Variants in KLF15 observed in about 807,000 individuals in gnomAD.
KLF15 encodes the protein Krueppel-like factor 15.
Under a neutral mutation model 24.6 loss-of-function variants are expected in KLF15, and 4 were observed. The ratio of observed to expected loss-of-function variants is 0.16; its 90% CI spans 0.08 to 0.37. The LOEUF is 0.37. KLF15 is among the 10% of genes least tolerant of loss of function. The pLI is 1.00. For synonymous variants in KLF15, 246 were observed against 236.3 expected, an observed-to-expected ratio of 1.04 and a Z score of -0.37; for missense variants, 496 against 560.6, an observed-to-expected ratio of 0.88 and a Z score of 1.16.
the KLF15 span, among the ~76,000 whole-genome samples, chr3:126,332,050 G>C: frequency 9.2e-5 from 14 of 152,222 alleles, no homozygotes; most frequent in Admixed American, 2.6e-4. Flanking sequence ...CAGGAAGCTC[G>C]AACTGGGTGG....
the KLF15 span, among the ~76,000 whole-genome samples, chr3:126,294,914 C>A: frequency 6.6e-6 from 1 of 151,652 alleles, no homozygotes; most frequent in Non-Finnish European, 1.5e-5. Context: ...CAGATACGTA[C>A]ACATACACAC....
At chr3:126,339,835 G>C (rs1303804882), downstream of KLF15, among the ~76,000 whole-genome samples, 2 of 152,332 alleles carry the variant, frequency 1.3e-5, no homozygotes, top group Non-Finnish European at 2.9e-5. Flanking sequence ...AGACAGTGAT[G>C]GCATTGCAAG....
the KLF15 span, among the ~76,000 whole-genome samples, chr3:126,320,092 G>T: frequency 6.6e-6 from 1 of 152,150 alleles, no homozygotes; most frequent in Non-Finnish European, 1.5e-5. Flanking sequence ...CCTTCCTAGA[G>T]GGGCCAAGGA....
chr3:126,292,029 G>A, the KLF15 span, among the ~76,000 whole-genome samples: 499 of 152,320 alleles, frequency 3.3e-3, 2 homozygotes, highest in Middle Eastern at 0.024. Flanking sequence ...CACGGAAGTG[G>A]CTGAAACAGT....
At position 126,356,109 on chromosome 3, in the gene KLF15, A is replaced by C. The variant is rs2082630368; in HGVS notation, c.-26+1128T>G. ...CAGGAACAACATGTAATTGATAACA[A>C]GCCCAGCGCCGGCCAAGGGCTTGCC... On this transcript the variant is annotated intron_variant, in intron 1 of 2. Coordinates refer to ENST00000296233, the MANE Select transcript of KLF15 (RefSeq NM_014079.4). The surrounding 1 kb of genome is among the most constrained non-coding windows in gnomAD (Gnocchi z 4.4). Among the ~76,000 whole-genome samples, 1 of 152,148 alleles carries C rather than the reference A, an allele frequency of 6.6e-6. No homozygotes were observed. Among genetic ancestry groups the C allele is most frequent in the Non-Finnish European group, 1.5e-5 (1 of 68,024 alleles).
the KLF15 span, among the ~76,000 whole-genome samples, chr3:126,327,097 G>A: frequency 3.3e-5 from 5 of 152,190 alleles, no homozygotes; most frequent in East Asian, 1.9e-4. Flanking sequence ...GTGCCTTGCC[G>A]GTCCTAGGAC....
chr3:126,329,400 G>A, the KLF15 span, among the ~76,000 whole-genome samples: 4 of 152,250 alleles, frequency 2.6e-5, no homozygotes, highest in East Asian at 1.9e-4. Flanking sequence ...GTGGCAAATC[G>A]CTTGAGCCTG....
chr3:126,305,398 C>T, the KLF15 span, among the ~76,000 whole-genome samples: 1 of 152,160 alleles, frequency 6.6e-6, no homozygotes, highest in Non-Finnish European at 1.5e-5. Flanking sequence ...ACTTCCTTAG[C>T]CTGTTGACAT....
chr3:126,304,610 A>G, the KLF15 span, among the ~76,000 whole-genome samples: 4 of 152,206 alleles, frequency 2.6e-5, no homozygotes, highest in East Asian at 5.8e-4. Context: ...TCGAGGCAAT[A>G]AGTTGGCTTT....
At chr3:126,298,121 T>A in the KLF15 span, among the ~76,000 whole-genome samples, 1 of 152,110 alleles carries the variant, frequency 6.6e-6, no homozygotes, top group South Asian at 2.1e-4. Context: ...ATTATTTTTT[T>A]ATTTTTTAAT....
At chr3:126,303,408 G>A in the KLF15 span, among the ~76,000 whole-genome samples, 1 of 151,848 alleles carries the variant, frequency 6.6e-6, no homozygotes, top group Non-Finnish European at 1.5e-5. Flanking sequence ...TAGAATTCTA[G>A]GTTAACAATC....
chr3:126,336,012 C>T, the KLF15 span, among the ~76,000 whole-genome samples: 2 of 140,830 alleles, frequency 1.4e-5, no homozygotes, highest in Non-Finnish European at 3.1e-5. Flanking sequence ...AGGTAATTTA[C>T]AGATTCAATG....
chr3:126,341,431 A>C (rs1050195574), downstream of KLF15, among the ~76,000 whole-genome samples: 1 of 152,174 alleles, frequency 6.6e-6, no homozygotes, highest in Non-Finnish European at 1.5e-5. Flanking sequence ...CGTACCTCTT[A>C]TCTAGGGCTG....
the KLF15 span, among the ~76,000 whole-genome samples, chr3:126,299,639 C>T: frequency 6.7e-6 from 1 of 150,212 alleles, no homozygotes; most frequent in African/African-American, 2.5e-5. Flanking sequence ...GTCCCAGCTA[C>T]TCAGGAGGCT....
the KLF15 span, among the ~76,000 whole-genome samples, chr3:126,334,457 A>G: frequency 1.5e-5 from 2 of 130,484 alleles, no homozygotes; most frequent in African/African-American, 2.9e-5. Flanking sequence ...CTAAATGCCC[A>G]CAAGAGAAAG....
chr3:126,299,947 C>G, the KLF15 span, among the ~76,000 whole-genome samples: 1 of 151,976 alleles, frequency 6.6e-6, no homozygotes, highest in Non-Finnish European at 1.5e-5. Context: ...TGTTTGAGCC[C>G]CCGGTCTTTG....
downstream of KLF15, among the ~76,000 whole-genome samples, chr3:126,340,351 C>T (rs2082470805): frequency 6.6e-6 from 1 of 152,208 alleles, no homozygotes; most frequent in Non-Finnish European, 1.5e-5. Flanking sequence ...AGGGCAGAAA[C>T]ATGGCCCCTT....
the KLF15 span, among the ~76,000 whole-genome samples, chr3:126,312,752 TCA>T: frequency 6.6e-6 from 1 of 152,198 alleles, no homozygotes; most frequent in East Asian, 1.9e-4. Flanking sequence ...ATTTGCGTTT[TCA>T]CAGTTTTGGA....
chr3:126,330,564 C>T, the KLF15 span, among the ~76,000 whole-genome samples: 1 of 151,738 alleles, frequency 6.6e-6, no homozygotes, highest in Non-Finnish European at 1.5e-5. Flanking sequence ...ATTACATTGG[C>T]AAGGACTTTG....
Sources: gnomAD v4.1 joint callset for allele counts (sites outside exome capture counted in the v4.1 genomes callset) on GRCh38, gnomAD v4.1.1 for gene constraint, Gnocchi (gnomAD v3.1) non-coding constraint, MANE v1.5 for transcripts, NCBI Gene and HGNC (gene_info 2026-07-23, HGNC 2026-07-21) for gene names.